The following WDR33 variants were observed in gnomAD, a reference collection of about 807,000 sequenced individuals.
WDR33 encodes pre-mRNA 3' end processing protein WDR33.
In WDR33, 47 loss-of-function variants were observed where a neutral mutation model predicts 164.9. That is an observed-to-expected ratio of 0.29 (90% CI 0.23 to 0.36). The LOEUF (loss-of-function observed/expected upper bound fraction) is 0.36. Ranked by LOEUF, WDR33 falls within the 10% of genes least tolerant of loss-of-function variation. The pLI, the probability that WDR33 is intolerant of heterozygous loss-of-function variation, is 1.00. For synonymous variants in WDR33, 505 were observed against 589.0 expected (o/e 0.86, Z 2.06); for missense variants, 1,137 against 1,754.1 (o/e 0.65, Z 6.28).
intron 1 of WDR33, among the ~76,000 whole-genome samples, chr2:127,788,529 C>T (rs1403954244): frequency 7.9e-6 from 1 of 126,090 alleles, no homozygotes; most frequent in African/African-American, 3.3e-5. Flanking sequence ...GGGGCTGACC[C>T]CCCCATCTCC....
At chr2:127,786,440 T>C (rs993076053) in intron 1 of WDR33, among the ~76,000 whole-genome samples, 2 of 152,194 alleles carry the variant, frequency 1.3e-5, no homozygotes, top group Admixed American at 6.5e-5. Flanking sequence ...CTCAACACTT[T>C]GGGAGGCTGA....
In WDR33 at chr2:127,723,085, A is replaced by C; in HGVS notation, c.1292-41T>G. 6.5e-7 allele frequency: 1 copy of C among 1,542,478 alleles called. No individual in the cohort carries two copies. Among genetic ancestry groups the C allele is most frequent in the South Asian group, 1.2e-5 (1 of 83,024 alleles). On this transcript the variant is annotated intron_variant, in intron 12 of 21. Coordinates refer to ENST00000322313, the MANE Select transcript of WDR33 (RefSeq NM_018383.5). This position sits in a 1 kb window ranked among gnomAD's most constrained non-coding sequence, Gnocchi z 5.9. ...CACCATTGTCAATAGAGAATTTACA[A>C]AAGTAGCGACTGATAAAATTAATGC...
At chr2:127,807,251 C>G (rs768683596) in intron 1 of WDR33, among the ~76,000 whole-genome samples, 3 of 152,118 alleles carry the variant, frequency 2.0e-5, no homozygotes, top group Admixed American at 6.6e-5. Context: ...GGTGATCCAC[C>G]TGCCTCGGCC....
In WDR33 at chr2:127,762,864, A is replaced by T. The variant is rs1371496336; in HGVS notation, c.724+198T>A. On this transcript the variant is annotated intron_variant, in intron 7 of 21. Transcript: ENST00000322313. ...TTTAATTTACAGCTGAAAAATTCAA[A>T]GATAACACTGGTAGTAAAAACCTAC... The T allele has an allele frequency of 2.9e-6, 4 of 1,387,138 alleles. No homozygotes were observed. In the African/African-American group the frequency reaches 5.8e-5, roughly 20 times the overall value. 85.9% of individuals were successfully genotyped at this position (1,387,138 alleles called of 1,614,324 possible).
intron 7 of WDR33, among the ~76,000 whole-genome samples, chr2:127,759,886 A>T (rs1293176933): frequency 6.6e-6 from 1 of 151,898 alleles, no homozygotes; most frequent in African/African-American, 2.4e-5. Flanking sequence ...ATTTTTTTAA[A>T]AAAAATTAAA....
At position 127,781,973 on chromosome 2, in the gene WDR33, G is replaced by A. The variant is rs10197784; in HGVS notation, c.-23-10969C>T. On this transcript the variant is annotated intron_variant, in intron 1 of 21. Transcript: ENST00000322313. The stretch of plus-strand genomic sequence containing the variant: ...AGATTGCGCCATTGCACTCCAGCCT[G>A]GGCAAGAAGAGCGAAACTCTTTTTC... Among the ~76,000 whole-genome samples the A allele has an allele frequency of 6.3e-3, 899 of 143,666 alleles. 7 individuals carry two copies. Among genetic ancestry groups the A allele is most frequent in the African/African-American group, 0.023 (859 of 37,880 alleles). 94.3% of individuals were successfully genotyped at this position (143,666 alleles called of 152,430 possible). A position where few individuals can be genotyped will look rare whatever the true frequency, so the allele number is the denominator to read the frequency against.
chr2:127,780,173 C>T (rs903428294), intron 1 of WDR33, among the ~76,000 whole-genome samples: 1 of 152,084 alleles, frequency 6.6e-6, no homozygotes, highest in African/African-American at 2.4e-5. Flanking sequence ...CGGGGTTTCA[C>T]CGTGTTAGCC....
Position 127,712,459 on chromosome 2 carries a change from A to C in WDR33, c.3308+1124T>G, listed in dbSNP as rs757914958. Among the ~76,000 whole-genome samples the C allele has an allele frequency of 3.9e-5, 6 of 152,042 alleles. No individual in the cohort carries two copies. Among genetic ancestry groups the C allele is most frequent in the Non-Finnish European group, 5.9e-5 (4 of 68,004 alleles). On this transcript the variant is annotated intron_variant, in intron 18 of 21. Coordinates refer to ENST00000322313, the MANE Select transcript of WDR33 (RefSeq NM_018383.5). This position sits in a 1 kb window ranked among gnomAD's most constrained non-coding sequence, Gnocchi z 4.0. Reference sequence around the variant, plus strand: ...ACGGAAGGCTAAGGAGTAATCAGAGACTATAGTAAAAGCTGAAGTGCTGAA... The same window carrying C: ...ACGGAAGGCTAAGGAGTAATCAGAGCCTATAGTAAAAGCTGAAGTGCTGAA...
Position 127,721,321 on chromosome 2 carries a change from T to C in WDR33, c.1671+515A>G, listed in dbSNP as rs147227896. ...TGGGGTTTCACCATGTTGACCATGC[T>C]GGTCTCAAACTCCTGATCTCAGGTG... On this transcript the variant is annotated intron_variant, in intron 15 of 21. Coordinates refer to ENST00000322313, the MANE Select transcript of WDR33 (RefSeq NM_018383.5). The surrounding 1 kb of genome is among the most constrained non-coding windows in gnomAD (Gnocchi z 4.9). Among the ~76,000 whole-genome samples the C allele has an allele frequency of 6.6e-6, 1 of 152,152 alleles. No individual in the cohort carries two copies. The highest frequency in any genetic ancestry group is 1.9e-4 in the East Asian group (1 of 5,130).
chr2:127,805,080 T>C (rs1246118463), intron 1 of WDR33, among the ~76,000 whole-genome samples: 2 of 134,428 alleles, frequency 1.5e-5, no homozygotes, highest in East Asian at 2.2e-4. Context: ...TTTTTTTTTT[T>C]TTTTTTTTTT....
At chr2:127,750,614 C>A (rs1436316793) in intron 7 of WDR33, among the ~76,000 whole-genome samples, 1 of 126,098 alleles carries the variant, frequency 7.9e-6, no homozygotes, top group African/African-American at 3.1e-5. Context: ...GTAATCATTG[C>A]ACTCCAGCCT....
chr2:127,737,478 T>C (rs2105398090), intron 7 of WDR33: 4 of 986,272 alleles, frequency 4.1e-6, no homozygotes, highest in East Asian at 1.1e-4. Flanking sequence ...AAGCAGTATA[T>C]AGTCATCACT....
intron 17 of WDR33, among the ~76,000 whole-genome samples, chr2:127,715,334 T>A (rs1005613590): frequency 6.6e-6 from 1 of 152,132 alleles, no homozygotes; most frequent in African/African-American, 2.4e-5. Flanking sequence ...ATACACCCAG[T>A]CAGCCTCCCA....
chr2:127,788,497 A>G (rs1688699274), intron 1 of WDR33, among the ~76,000 whole-genome samples: 2 of 112,094 alleles, frequency 1.8e-5, no homozygotes, highest in Non-Finnish European at 1.8e-5. Context: ...TCCCTCCCGG[A>G]CGGGGCGGCT....
chr2:127,793,521 A>AAG (rs1354460170), intron 1 of WDR33, among the ~76,000 whole-genome samples: 4 of 149,432 alleles, frequency 2.7e-5, no homozygotes, highest in South Asian at 2.2e-4. Context: ...CAGGAGGATC[A>AAG]CTTGAGGCCA....
At chr2:127,707,361 T>C (rs986142922) in intron 21 of WDR33, among the ~76,000 whole-genome samples, 4 of 152,026 alleles carry the variant, frequency 2.6e-5, no homozygotes, top group Admixed American at 6.5e-5. Context: ...GACTGCAAAC[T>C]CTCCGCTGTC....
At position 127,764,110 on chromosome 2, in the gene WDR33, T is replaced by G; in HGVS notation, c.626+718A>C. ...AATTCTTCAGGCTTGTATTTGGAAC[T>G]TTTTCCCCCAGTTTTACTATACATA... On this transcript the variant is annotated intron_variant, in intron 6 of 21. Transcript: ENST00000322313. The surrounding 1 kb of genome is among the most constrained non-coding windows in gnomAD (Gnocchi z 6.2). The G allele has an allele frequency of 1.0e-6, 1 of 989,104 alleles. No homozygotes were observed. The allele number at this position is 989,104 out of a possible 1,614,324, so 61.3% of individuals were successfully genotyped here.
At chr2:127,809,196 A>G (rs1023196614) in intron 1 of WDR33, among the ~76,000 whole-genome samples, 1 of 152,116 alleles carries the variant, frequency 6.6e-6, no homozygotes, top group African/African-American at 2.4e-5. Context: ...ATTCCACCGC[A>G]AAGTAATGGG....
In WDR33 at chr2:127,701,538, C is replaced by T. The variant is rs1329142972; in HGVS notation, c.*4785G>A. On this transcript the variant is annotated 3_prime_UTR_variant, in exon 22 of 22. Coordinates refer to ENST00000322313, the MANE Select transcript of WDR33 (RefSeq NM_018383.5). ...CACCGCCTTGTCCAAGATGGCGGAC[C>T]TCCACCGCCAGCTGCAGGAGTACCT... is the stretch of plus-strand genomic sequence containing the variant. The T allele has an allele frequency of 3.7e-6, 5 of 1,342,234 alleles. No individual in the cohort carries two copies. The highest frequency in any genetic ancestry group is 3.8e-6 in the Non-Finnish European group (4 of 1,044,810). 83.1% of individuals were successfully genotyped at this position (1,342,234 alleles called of 1,614,324 possible). A position where few individuals can be genotyped will look rare whatever the true frequency, so the allele number is the denominator to read the frequency against.
Sources: gnomAD v4.1 joint callset for allele counts (sites outside exome capture counted in the v4.1 genomes callset) on GRCh38, gnomAD v4.1.1 for gene constraint, Gnocchi (gnomAD v3.1) non-coding constraint, MANE v1.5 for transcripts, NCBI Gene and HGNC (gene_info 2026-07-23, HGNC 2026-07-21) for gene names.